The following GPR139 variants were observed in gnomAD, a reference collection of about 807,000 sequenced individuals.
The protein encoded by GPR139 is probable G protein-coupled receptor 139.
In GPR139, 12 loss-of-function variants were observed where a neutral mutation model predicts 25.8. The ratio of observed to expected loss-of-function variants is 0.47; its 90% CI spans 0.30 to 0.75. The LOEUF (loss-of-function observed/expected upper bound fraction) is 0.75. Ranked by LOEUF, GPR139 falls within the 30% of genes least tolerant of loss-of-function variation. GPR139 has a pLI of 0.07. For synonymous variants in GPR139, 184 were observed against 179.9 expected, an observed-to-expected ratio of 1.02 and a Z score of -0.18; for missense variants, 380 against 450.2, an observed-to-expected ratio of 0.84 and a Z score of 1.41.
chr16:20,059,991 G>A (rs2057405494), intron 1 of GPR139, among the ~76,000 whole-genome samples: 1 of 152,146 alleles, frequency 6.6e-6, no homozygotes, highest in Non-Finnish European at 1.5e-5. Flanking sequence ...AGGGTCAGGA[G>A]TGTGGGTCCC....
chr16:20,046,396 G>A (rs192672026), intron 1 of GPR139, among the ~76,000 whole-genome samples: 3 of 152,320 alleles, frequency 2.0e-5, no homozygotes, highest in South Asian at 4.2e-4. Context: ...CTGCTCTGCC[G>A]CCAACTAGCT....
chr16:20,042,122 C>T (rs2057338608), intron 1 of GPR139, among the ~76,000 whole-genome samples: 1 of 152,090 alleles, frequency 6.6e-6, no homozygotes, highest in Non-Finnish European at 1.5e-5. Context: ...TGTCTCTGAG[C>T]CTCAGTTCTT....
intron 1 of GPR139, among the ~76,000 whole-genome samples, chr16:20,042,155 A>C (rs372145861): frequency 6.6e-6 from 1 of 152,322 alleles, no homozygotes; most frequent in Admixed American, 6.5e-5. Context: ...TGGGCATCGT[A>C]ATAAATAGTA....
chr16:20,070,884 A>T (rs563181626), intron 1 of GPR139: 2 of 910,420 alleles, frequency 2.2e-6, no homozygotes, highest in African/African-American at 3.6e-5. Context: ...ATGGGTGGGG[A>T]CCACTGTGGT....
chr16:20,034,210 C>G (rs144053405), intron 1 of GPR139, among the ~76,000 whole-genome samples: 1 of 152,264 alleles, frequency 6.6e-6, no homozygotes, highest in African/African-American at 2.4e-5. Flanking sequence ...GAGCTAGAAT[C>G]CAGATCTCTC....
intron 1 of GPR139, among the ~76,000 whole-genome samples, chr16:20,058,357 GTGTA>G (rs143509051): frequency 7.0e-6 from 1 of 142,680 alleles, no homozygotes; most frequent in South Asian, 2.4e-4. Context: ...GTGTGTGTGT[GTGTA>G]TTGTATACAT....
chr16:20,040,598 T>A (rs990897362), intron 1 of GPR139, among the ~76,000 whole-genome samples: 1 of 152,234 alleles, frequency 6.6e-6, no homozygotes, highest in Non-Finnish European at 1.5e-5. Context: ...TGCATTTCTT[T>A]TGGATAAATT....
At position 20,061,915 on chromosome 16, in the gene GPR139, T is replaced by C. The variant is rs118180871; in HGVS notation, c.127+11575A>G. ...GGTCAAGGCCCAGCTCTGCTGCTAA[T>C]TAGCTATGTATGCATCCCCGGGGAA... On this transcript the variant is annotated intron_variant, in intron 1 of 1. Transcript: ENST00000570682. 9.2e-5 allele frequency among the ~76,000 whole-genome samples: 14 copies of C among 152,330 alleles called. No homozygotes were observed. In the East Asian group the frequency reaches 2.7e-3, roughly 29 times the overall value.
chr16:20,064,338 CA>C (rs770698919), intron 1 of GPR139, among the ~76,000 whole-genome samples: 18 of 152,250 alleles, frequency 1.2e-4, no homozygotes, highest in Middle Eastern at 3.4e-3. Flanking sequence ...ACCAGGAGCT[CA>C]AGACCAGCCT....
At chr16:20,033,547 T>C (rs965772463) in intron 1 of GPR139, among the ~76,000 whole-genome samples, 5 of 152,228 alleles carry the variant, frequency 3.3e-5, no homozygotes, top group African/African-American at 1.2e-4. Context: ...CGGGACTATA[T>C]AACCTCTTAA....
At chr16:20,056,235 A>G (rs539761585) in intron 1 of GPR139, among the ~76,000 whole-genome samples, 14 of 152,078 alleles carry the variant, frequency 9.2e-5, no homozygotes, top group African/African-American at 3.1e-4. Flanking sequence ...TTTTTGTTCC[A>G]TGGTATGCTG....
At chr16:20,070,722 T>G (rs2057456725) in intron 1 of GPR139, among the ~76,000 whole-genome samples, 1 of 152,238 alleles carries the variant, frequency 6.6e-6, no homozygotes, top group Non-Finnish European at 1.5e-5. Context: ...GTGAGTCCAC[T>G]GCCAGGAATA....
intron 1 of GPR139, among the ~76,000 whole-genome samples, chr16:20,052,265 C>T (rs72772737): frequency 0.082 from 12,461 of 152,310 alleles, 594 homozygotes; most frequent in Non-Finnish European, 0.11. Flanking sequence ...CCAGCCTTTG[C>T]CTGTAATCTT....
rs533972408 is a variant in GPR139, at chr16:20,038,975, A to G, written c.128-6306T>C. ...CTGAGCTTTCCTGTCAAACTGATCC[A>G]AGGATTCCATTGTTGAGGAAACCCA... On this transcript the variant is annotated intron_variant, in intron 1 of 1. Transcript: ENST00000570682. Among the ~76,000 whole-genome samples the G allele has an allele frequency of 2.6e-5, 4 of 152,304 alleles. No individual in the cohort carries two copies. The East Asian group carries it at 7.7e-4, about 29-fold the overall frequency.
rs1045132235 is a variant in GPR139 at position 20,029,593 on chromosome 16, T to C, written c.*2142A>G. The stretch of plus-strand genomic sequence containing the variant: ...ACACATTTAATGAACACATGTTCAA[T>C]TACACGTGCTTGGCAAAAAAGAGAC... On this transcript the variant is annotated 3_prime_UTR_variant, in exon 2 of 2. Transcript: ENST00000570682. 2.0e-5 allele frequency among the ~76,000 whole-genome samples: 3 copies of C among 152,048 alleles called. No homozygotes were observed. The highest frequency in any genetic ancestry group is 4.4e-5 in the Non-Finnish European group (3 of 68,018).
Position 20,073,773 on chromosome 16 carries a change from C to T in GPR139, c.-157G>A. 2 of 939,274 alleles carry T rather than the reference C, an allele frequency of 2.1e-6. No individual in the cohort carries two copies. The highest frequency in any genetic ancestry group is 3.3e-5 in the Admixed American group (1 of 30,570). 58.2% of individuals were successfully genotyped at this position (939,274 alleles called of 1,614,324 possible). ...CTCCTACCCTTGGCCGTGATCCCCTCTGCTCGCTCCGCACCTGCCCGCCTG... is the reference window on the plus strand; with the variant it reads ...CTCCTACCCTTGGCCGTGATCCCCTTTGCTCGCTCCGCACCTGCCCGCCTG... On this transcript the variant is annotated 5_prime_UTR_variant, in exon 1 of 2. Transcript: ENST00000570682. This position sits in a 1 kb window ranked among gnomAD's most constrained non-coding sequence, Gnocchi z 4.7.
intron 1 of GPR139, among the ~76,000 whole-genome samples, chr16:20,052,551 A>G (rs1216725105): frequency 6.6e-6 from 1 of 152,184 alleles, no homozygotes; most frequent in Non-Finnish European, 1.5e-5. Flanking sequence ...TAATCCCAGC[A>G]CTTTGGGAGG....
chr16:20,069,993 AGGTGGGACACC>A (rs756567267), intron 1 of GPR139, among the ~76,000 whole-genome samples: 3 of 152,218 alleles, frequency 2.0e-5, no homozygotes, highest in Admixed American at 6.5e-5. Flanking sequence ...TTTTAGGAAT[AGGTGGGACACC>A]GATTTTCTCC....
intron 1 of GPR139, among the ~76,000 whole-genome samples, chr16:20,070,226 G>A (rs1417701570): frequency 6.6e-6 from 1 of 152,192 alleles, no homozygotes; most frequent in Non-Finnish European, 1.5e-5. Context: ...TCAAAGACAG[G>A]TATAGGTCGC....
Sources: gnomAD v4.1 joint callset for allele counts (sites outside exome capture counted in the v4.1 genomes callset) on GRCh38, gnomAD v4.1.1 for gene constraint, Gnocchi (gnomAD v3.1) non-coding constraint, MANE v1.5 for transcripts, NCBI Gene and HGNC (gene_info 2026-07-23, HGNC 2026-07-21) for gene names.